Variants in GALNT7 observed in about 807,000 individuals in gnomAD.
GALNT7 encodes polypeptide N-acetylgalactosaminyltransferase 7.
GALNT7 carries 60 observed loss-of-function variants against 82.1 expected under a neutral mutation model. That is an observed-to-expected ratio of 0.73 (90% CI 0.59 to 0.91). The LOEUF (loss-of-function observed/expected upper bound fraction) is 0.91. Ranked by LOEUF, GALNT7 falls within the 40% of genes least tolerant of loss-of-function variation. The pLI, the probability that GALNT7 is intolerant of heterozygous loss-of-function variation, is 0.00. For synonymous variants in GALNT7, 243 were observed against 275.1 expected, an observed-to-expected ratio of 0.88 and a Z score of 1.15; for missense variants, 660 against 804.2, an observed-to-expected ratio of 0.82 and a Z score of 2.17.
chr4:173,211,657 C>A (rs769453974), intron 1 of GALNT7, among the ~76,000 whole-genome samples: 6 of 152,208 alleles, frequency 3.9e-5, no homozygotes, highest in Non-Finnish European at 8.8e-5. Flanking sequence ...CATGTGTGCA[C>A]GAGCACGTGT....
At chr4:173,226,152 C>G (rs1733820145) in intron 1 of GALNT7, among the ~76,000 whole-genome samples, 2 of 152,122 alleles carry the variant, frequency 1.3e-5, no homozygotes, top group African/African-American at 4.8e-5. Context: ...CACCACATCT[C>G]CAGTAAATTT....
intron 1 of GALNT7, among the ~76,000 whole-genome samples, chr4:173,221,391 G>C (rs964104457): frequency 7.2e-5 from 11 of 152,120 alleles, no homozygotes; most frequent in Non-Finnish European, 1.3e-4. Context: ...CTCTAGCCTA[G>C]GAATAAAAGT....
At chr4:173,205,260 T>C (rs9991863) in intron 1 of GALNT7, among the ~76,000 whole-genome samples, 104,927 of 151,828 alleles carry the variant, frequency 0.69, 38,323 homozygotes, top group East Asian at 0.82. Flanking sequence ...GACCACGTAC[T>C]GGGATGGGCC....
intron 5 of GALNT7, 92 bp downstream of exon 5, chr4:173,295,935 A>C: frequency 1.3e-6 from 1 of 783,918 alleles, no homozygotes; most frequent in Non-Finnish European, 2.3e-6. Flanking sequence ...TTCCAGCTCC[A>C]TTCAGTGCAT....
At chr4:173,210,123 GACTCCGTCTC>G (rs1292710183) in intron 1 of GALNT7, among the ~76,000 whole-genome samples, 1 of 150,760 alleles carries the variant, frequency 6.6e-6, no homozygotes, top group Non-Finnish European at 1.5e-5. Flanking sequence ...AACAGAGCGA[GACTCCGTCTC>G]AAAAAAAGAA....
At position 173,227,858 on chromosome 4, in the gene GALNT7, T is replaced by C. The variant is rs74654965; in HGVS notation, c.127-20122T>C. On this transcript the variant is annotated intron_variant, in intron 1 of 11. Transcript: ENST00000265000. ...AGGGTTTTTGTTTCTGTTTTTTAAA[T>C]GCTACCCCAAGTTTGGTTGTGTTCT... Among the ~76,000 whole-genome samples, 365 of 152,328 alleles carry C rather than the reference T, an allele frequency of 2.4e-3. 2 individuals carry two copies. The highest frequency in any genetic ancestry group is 8.3e-3 in the African/African-American group (345 of 41,574).
At chr4:173,171,893 AAAAC>A (rs1731887424) in intron 1 of GALNT7, among the ~76,000 whole-genome samples, 1 of 152,216 alleles carries the variant, frequency 6.6e-6, no homozygotes, top group African/African-American at 2.4e-5. Flanking sequence ...TTTCATAGTG[AAAAC>A]CATAGGGGGC....
At chr4:173,229,959 T>C (rs1733974809) in intron 1 of GALNT7, among the ~76,000 whole-genome samples, 1 of 152,186 alleles carries the variant, frequency 6.6e-6, no homozygotes, top group African/African-American at 2.4e-5. Flanking sequence ...GTGTGTGCTA[T>C]AGTAACAACA....
chr4:173,184,544 G>A (rs903656189), intron 1 of GALNT7, among the ~76,000 whole-genome samples: 4 of 151,012 alleles, frequency 2.6e-5, no homozygotes, highest in Non-Finnish European at 5.9e-5. Context: ...TCGAGATGGC[G>A]GCAGTACAGT....
intron 1 of GALNT7, among the ~76,000 whole-genome samples, chr4:173,244,322 C>G (rs1734538705): frequency 6.6e-6 from 1 of 152,186 alleles, no homozygotes; most frequent in South Asian, 2.1e-4. Context: ...AAAGCCTTGC[C>G]AACCCCCTTG....
At chr4:173,265,508 A>G (rs1039673108) in intron 2 of GALNT7, among the ~76,000 whole-genome samples, 3 of 151,764 alleles carry the variant, frequency 2.0e-5, no homozygotes, top group Admixed American at 6.6e-5. Context: ...GGTTTGTGAC[A>G]TGTTTAGCTC....
In GALNT7 at chr4:173,199,591, A is replaced by G. The variant is rs377255777; in HGVS notation, c.126+30630A>G. Among the ~76,000 whole-genome samples, 28 of 152,200 alleles carry G rather than the reference A, an allele frequency of 1.8e-4. No homozygotes were observed. The East Asian group carries it at 2.1e-3, about 11-fold the overall frequency. ...CTCCTAATGGGCCCCAGGTTTGCCC[A>G]TCAGAGTCTTACACATGATCACCCA... On this transcript the variant is annotated intron_variant, in intron 1 of 11. Coordinates refer to ENST00000265000, the MANE Select transcript of GALNT7 (RefSeq NM_017423.3).
chr4:173,169,629 C>T (rs1189742599), intron 1 of GALNT7: 2 of 151,564 alleles, frequency 1.3e-5, no homozygotes, highest in Non-Finnish European at 1.5e-5. Context: ...CGGCCGAGGC[C>T]TCGCCCGGAC....
At chr4:173,170,794 G>A (rs1050988502) in intron 1 of GALNT7, among the ~76,000 whole-genome samples, 4 of 152,168 alleles carry the variant, frequency 2.6e-5, no homozygotes, top group African/African-American at 9.7e-5. Flanking sequence ...GACAAAACTA[G>A]CTAGGTTCAG....
chr4:173,174,348 G>A (rs1731969168), intron 1 of GALNT7, among the ~76,000 whole-genome samples: 2 of 152,200 alleles, frequency 1.3e-5, no homozygotes, highest in African/African-American at 4.8e-5. Context: ...CTGACCATGT[G>A]CCCTTTGAAG....
chr4:173,178,005 G>GTC (rs1191500538), intron 1 of GALNT7, among the ~76,000 whole-genome samples: 26 of 114,670 alleles, frequency 2.3e-4, no homozygotes, highest in African/African-American at 9.0e-4. Flanking sequence ...CTATCCGCAA[G>GTC]TCTGTGTGTG....
chr4:173,271,337 G>A (rs1328147369), intron 2 of GALNT7, among the ~76,000 whole-genome samples: 1 of 152,156 alleles, frequency 6.6e-6, no homozygotes, highest in African/African-American at 2.4e-5. Context: ...TTGAAAAAAG[G>A]AAAGAAGTAT....
rs118104341 is a variant in GALNT7 at position 173,259,530 on chromosome 4, G to A, written c.587+11090G>A. ...TGGCCAGTTGGTGGCCACTGAGGGC[G>A]TTTCAGAATTTGGTGTATATTTGTC... On this transcript the variant is annotated intron_variant, in intron 2 of 11. Coordinates refer to ENST00000265000, the MANE Select transcript of GALNT7 (RefSeq NM_017423.3). Among the ~76,000 whole-genome samples, 35 of 151,994 alleles carry A rather than the reference G, an allele frequency of 2.3e-4. No homozygotes were observed. The East Asian group carries it at 4.3e-3, about 18-fold the overall frequency.
chr4:173,298,346 ACCT>A, intron 6 of GALNT7, 49 bp downstream of exon 6: 2 of 1,215,710 alleles, frequency 1.6e-6, no homozygotes, highest in Non-Finnish European at 2.3e-6. Context: ...GTTGCTGCTA[ACCT>A]ATTAACCTCT....
Sources: allele counts gnomAD v4.1 joint callset (sites outside exome capture counted in the v4.1 genomes callset), GRCh38; gene constraint gnomAD v4.1.1; transcripts MANE v1.5; gene names NCBI Gene and HGNC (gene_info 2026-07-23, HGNC 2026-07-21).